RPRD1A: variants seen among roughly 807,000 people sequenced by gnomAD.
The protein encoded by RPRD1A is regulation of nuclear pre-mRNA domain-containing protein 1A.
RPRD1A carries 9 observed loss-of-function variants against 37.8 expected under a neutral mutation model. That is an observed-to-expected ratio of 0.24 (90% CI 0.14 to 0.42). RPRD1A has a LOEUF of 0.42. RPRD1A is among the 10% of genes least tolerant of loss of function. RPRD1A has a pLI of 1.00. For synonymous variants in RPRD1A, 138 were observed against 139.7 expected (o/e 0.99, Z 0.08); for missense variants, 255 against 371.0 (o/e 0.69, Z 2.57).
chr18:36,064,056 T>C (rs1333198401), intron 1 of RPRD1A: 1 of 152,270 alleles, frequency 6.6e-6, no homozygotes, highest in East Asian at 1.9e-4. Flanking sequence ...ACATTAAATA[T>C]TAGATAGCTT....
At chr18:36,004,653 C>G (rs183951803) in intron 6 of RPRD1A, among the ~76,000 whole-genome samples, 2 of 152,104 alleles carry the variant, frequency 1.3e-5, no homozygotes, top group African/African-American at 2.4e-5. Context: ...TGTAGATAAA[C>G]AGACCTTAAA....
intron 6 of RPRD1A, among the ~76,000 whole-genome samples, chr18:36,021,737 G>A (rs115256399): frequency 0.02 from 3,009 of 152,276 alleles, 108 homozygotes; most frequent in African/African-American, 0.069. Flanking sequence ...GGTGGCTCAT[G>A]CCTGTAATCT....
intron 4 of RPRD1A, chr18:36,027,780 G>A (rs975903588): frequency 6.5e-6 from 1 of 152,696 alleles, no homozygotes; most frequent in Admixed American, 6.5e-5. Flanking sequence ...ACACAGAAGA[G>A]TCTCCCAGAT....
chr18:36,031,599 T>C (rs908744377), intron 2 of RPRD1A, among the ~76,000 whole-genome samples: 1 of 152,162 alleles, frequency 6.6e-6, no homozygotes, highest in Non-Finnish European at 1.5e-5. Context: ...GGAAATGATA[T>C]TTAATTTGAG....
intron 1 of RPRD1A, among the ~76,000 whole-genome samples, chr18:36,062,729 G>C: frequency 6.6e-6 from 1 of 152,120 alleles, no homozygotes. Context: ...ATATGAAATG[G>C]TAAAAATAGT....
intron 6 of RPRD1A, chr18:36,025,236 T>TA (rs1911279939): frequency 6.4e-6 from 1 of 156,172 alleles, no homozygotes; most frequent in South Asian, 1.9e-4. Context: ...GCAAGTTACT[T>TA]AATCTTCCTG....
intron 4 of RPRD1A, among the ~76,000 whole-genome samples, chr18:36,028,481 T>G (rs1911538818): frequency 6.6e-6 from 1 of 152,214 alleles, no homozygotes; most frequent in African/African-American, 2.4e-5. Flanking sequence ...ATTTTTAAAA[T>G]CATTCTTAGA....
chr18:36,006,625 G>T (rs558565913), intron 6 of RPRD1A, among the ~76,000 whole-genome samples: 1 of 152,304 alleles, frequency 6.6e-6, no homozygotes, highest in South Asian at 2.1e-4. Flanking sequence ...AAACTAATAA[G>T]CTATTGGAGG....
intron 6 of RPRD1A, among the ~76,000 whole-genome samples, chr18:36,008,569 T>TTGTGTGTGTGTGTG (rs138413588): frequency 2.5e-4 from 14 of 56,066 alleles, no homozygotes; most frequent in East Asian, 2.4e-3. Flanking sequence ...CAGCAAGACC[T>TTGTGTGTGTGTGTG]TGTGTGTGTA....
chr18:36,021,522 C>T (rs1910993881), intron 6 of RPRD1A, among the ~76,000 whole-genome samples: 1 of 152,198 alleles, frequency 6.6e-6, no homozygotes, highest in African/African-American at 2.4e-5. Context: ...AGAATCCTAC[C>T]ATGGCCTCTA....
rs1908710480 is a variant in RPRD1A, at chr18:35,991,424, CTGCA to C, written c.*1723_*1726del. The C allele has an allele frequency of 1.3e-5, 2 of 152,168 alleles. No individual in the cohort carries two copies. Among genetic ancestry groups the C allele is most frequent in the African/African-American group, 4.8e-5 (2 of 41,410 alleles). 9.4% of individuals were successfully genotyped at this position (152,168 alleles called of 1,614,324 possible). A position where few individuals can be genotyped will look rare whatever the true frequency, so the allele number is the denominator to read the frequency against. On this transcript the variant is annotated 3_prime_UTR_variant, in exon 7 of 7. Coordinates refer to ENST00000399022, the MANE Select transcript of RPRD1A (RefSeq NM_018170.5). ...ACATCCCAGGGTGTGAGTGTGGCTGCTGCATGCTGTGTCCTAGTTAGAGCAGTGT... is the reference window on the plus strand; with the variant it reads ...ACATCCCAGGGTGTGAGTGTGGCTGCTGCTGTGTCCTAGTTAGAGCAGTGT...
Position 36,030,964 on chromosome 18 carries a change from G to A in RPRD1A, c.388+27C>T, listed in dbSNP as rs371871805. 9.7e-5 allele frequency: 155 copies of A among 1,593,194 alleles called. No homozygotes were observed. The African/African-American group carries it at 1.7e-3, about 18-fold the overall frequency. ...GAATACATTTTAATGAAGAGATCAA[G>A]GTAAGAGATCAGGATTCTACACTTA... is the stretch of plus-strand genomic sequence containing the variant. On this transcript the variant is annotated intron_variant, in intron 3 of 6. Transcript: ENST00000399022.
At chr18:36,051,860 A>G (rs544985574) in intron 1 of RPRD1A, among the ~76,000 whole-genome samples, 2 of 152,272 alleles carry the variant, frequency 1.3e-5, no homozygotes, top group Admixed American at 1.3e-4. Context: ...GCCAGTTAAC[A>G]AATGCATTAT....
chr18:36,032,871 G>A (rs558746952), intron 2 of RPRD1A, among the ~76,000 whole-genome samples: 29 of 152,128 alleles, frequency 1.9e-4, no homozygotes, highest in Non-Finnish European at 3.5e-4. Context: ...ACGCATACAA[G>A]TAAAAATGTC....
chr18:36,034,450 G>A (rs1438948719), intron 1 of RPRD1A, among the ~76,000 whole-genome samples: 1 of 152,112 alleles, frequency 6.6e-6, no homozygotes. Flanking sequence ...TGTGGGTGTA[G>A]TCATTTCTCT....
At chr18:36,017,940 G>GT (rs1334846172) in intron 6 of RPRD1A, among the ~76,000 whole-genome samples, 4 of 152,084 alleles carry the variant, frequency 2.6e-5, no homozygotes, top group Non-Finnish European at 5.9e-5. Context: ...TCTTATTCAC[G>GT]TTATTCTCAC....
intron 1 of RPRD1A, among the ~76,000 whole-genome samples, chr18:36,044,755 G>C (rs1316433716): frequency 6.6e-6 from 1 of 151,692 alleles, no homozygotes; most frequent in African/African-American, 2.4e-5. Context: ...ATAAAAGCAG[G>C]AAATGCACAA....
intron 6 of RPRD1A, among the ~76,000 whole-genome samples, chr18:36,020,094 G>A (rs1382995280): frequency 6.6e-6 from 1 of 152,136 alleles, no homozygotes; most frequent in African/African-American, 2.4e-5. Context: ...TGGAAGATGA[G>A]GACAGCTGCA....
intron 4 of RPRD1A, among the ~76,000 whole-genome samples, chr18:36,028,467 T>C (rs980886291): frequency 1.3e-5 from 2 of 152,220 alleles, no homozygotes; most frequent in Non-Finnish European, 2.9e-5. Context: ...ACAACTAATA[T>C]ATTATTTTTA....
Sources: allele counts gnomAD v4.1 joint callset (sites outside exome capture counted in the v4.1 genomes callset), GRCh38; gene constraint gnomAD v4.1.1; transcripts MANE v1.5; gene names NCBI Gene and HGNC (gene_info 2026-07-23, HGNC 2026-07-21).